The following DOCK11 variants were observed in gnomAD, a reference collection of about 807,000 sequenced individuals.
DOCK11 encodes the protein dedicator of cytokinesis protein 11.
DOCK11 carries 70 observed loss-of-function variants against 169.1 expected under a neutral mutation model. That is an observed-to-expected ratio of 0.41 (90% CI 0.34 to 0.51). The LOEUF (loss-of-function observed/expected upper bound fraction) is 0.51. DOCK11 is among the 20% of genes least tolerant of loss of function. The pLI is 0.10. For missense variants in DOCK11, 1,166 were observed against 1,538.8 expected, an observed-to-expected ratio of 0.76 and a Z score of 4.05; for synonymous variants, 529 against 541.3, an observed-to-expected ratio of 0.98 and a Z score of 0.32.
intron 45 of DOCK11, among the ~76,000 whole-genome samples, chrX:118,667,411 T>A (rs1369958298): frequency 1.3e-5 from 1 of 79,051 alleles, no homozygotes; most frequent in Non-Finnish European, 2.4e-5. Context: ...CAAAGCTCTT[T>A]TTTTAAGACA....
At chrX:118,599,995 T>G (rs1304687129) in intron 23 of DOCK11, among the ~76,000 whole-genome samples, 1 of 112,057 alleles carries the variant, frequency 8.9e-6, no homozygotes, top group African/African-American at 3.2e-5. Context: ...GTATCCCACA[T>G]GTCACTTACT....
At chrX:118,544,645 CTTTTTTTTTTTTTTT>C (rs1157804079) in intron 4 of DOCK11, among the ~76,000 whole-genome samples, 15 of 23,362 alleles carry the variant, frequency 6.4e-4, no homozygotes, top group South Asian at 3.5e-3. Context: ...TACACTGTTG[CTTTTTTTTTTTTTTT>C]TTTTTTTTTT....
rs1396553472 is a variant in DOCK11, at chrX:118,675,452, A to G, written c.5200-484A>G. Among the ~76,000 whole-genome samples, 4 of 111,231 alleles carry G rather than the reference A, an allele frequency of 3.6e-5. No individual in the cohort carries two copies. In the South Asian group the frequency reaches 1.1e-3, roughly 32 times the overall value. ...TGAGATGTGAATGAAATGAAGCATGATATTAAGAAATACATTGTCATTGAG... is the reference window on the plus strand; with the variant it reads ...TGAGATGTGAATGAAATGAAGCATGGTATTAAGAAATACATTGTCATTGAG... On this transcript the variant is annotated intron_variant, in intron 46 of 52. Transcript: ENST00000276202.
chrX:118,543,113 C>T, intron 3 of DOCK11, 98 bp downstream of exon 3: 1 of 616,112 alleles, frequency 1.6e-6, no homozygotes. Context: ...TTTATAAATA[C>T]ATAAATGTAA....
At chrX:118,533,104 G>A (rs2011640889) in intron 1 of DOCK11, among the ~76,000 whole-genome samples, 1 of 110,881 alleles carries the variant, frequency 9.0e-6, no homozygotes, top group Non-Finnish European at 1.9e-5. Flanking sequence ...CGATTCTCCC[G>A]CTTCAGCCTT....
chrX:118,603,867 T>C (rs2014414133), intron 23 of DOCK11, among the ~76,000 whole-genome samples: 1 of 112,143 alleles, frequency 8.9e-6, no homozygotes, highest in African/African-American at 3.2e-5. Context: ...ATATGATATA[T>C]TCAAGAACAG....
At chrX:118,651,397 G>A (rs960710620) in intron 41 of DOCK11, among the ~76,000 whole-genome samples, 8 of 111,506 alleles carry the variant, frequency 7.2e-5, no homozygotes, top group East Asian at 2.8e-4. Flanking sequence ...AACCAAGACC[G>A]TACCACTGCA....
At chrX:118,524,493 A>G (rs1196573305) in intron 1 of DOCK11, among the ~76,000 whole-genome samples, 2 of 111,958 alleles carry the variant, frequency 1.8e-5, no homozygotes, top group African/African-American at 3.2e-5. Context: ...TATATCTGAT[A>G]AGAGATTAAT....
intron 16 of DOCK11, among the ~76,000 whole-genome samples, chrX:118,586,376 C>T (rs2013814932): frequency 9.0e-6 from 1 of 111,067 alleles, no homozygotes; most frequent in Non-Finnish European, 1.9e-5. Flanking sequence ...GAAGCAGGCA[C>T]GTCTTTTGTG....
intron 1 of DOCK11, among the ~76,000 whole-genome samples, chrX:118,537,314 A>G (rs1231225959): frequency 9.0e-6 from 1 of 111,259 alleles, no homozygotes; most frequent in Non-Finnish European, 1.9e-5. Context: ...GCTTTCTGGT[A>G]TCCCTCCCAG....
rs1258462093 is a variant in DOCK11 at position 118,649,144 on chromosome X, G to A, written c.4581+17G>A. Reference sequence around the variant, plus strand: ...CATCTACAGGTCAGTGAAAATAAAAGCGCCTCTTCATCTTTCTTCTCTTCA... The same window carrying A: ...CATCTACAGGTCAGTGAAAATAAAAACGCCTCTTCATCTTTCTTCTCTTCA... On this transcript the variant is annotated intron_variant, in intron 41 of 52. Coordinates refer to ENST00000276202, the MANE Select transcript of DOCK11 (RefSeq NM_144658.4). 2.6e-6 allele frequency: 3 copies of A among 1,148,445 alleles called. No homozygotes were observed. The highest frequency in any genetic ancestry group is 6.1e-5 in the East Asian group (2 of 32,770). 94.6% of individuals were successfully genotyped at this position (1,148,445 alleles called of 1,213,427 possible). A position where few individuals can be genotyped will look rare whatever the true frequency, so the allele number is the denominator to read the frequency against.
chrX:118,658,847 G>A (rs1569443863), intron 44 of DOCK11, among the ~76,000 whole-genome samples: 2 of 111,621 alleles, frequency 1.8e-5, no homozygotes. Context: ...TTTCCCCAGG[G>A]AAGACAAGAG....
intron 1 of DOCK11, among the ~76,000 whole-genome samples, chrX:118,532,320 G>A (rs2011611322): frequency 9.0e-6 from 1 of 111,322 alleles, no homozygotes; most frequent in South Asian, 3.8e-4. Context: ...ATTAATAGGA[G>A]AGTATGCTGT....
chrX:118,624,913 C>T (rs1428412912), intron 32 of DOCK11, among the ~76,000 whole-genome samples: 1 of 109,068 alleles, frequency 9.2e-6, no homozygotes, highest in African/African-American at 3.3e-5. Flanking sequence ...CATACGCCAC[C>T]ATGCCCAGCT....
intron 11 of DOCK11, among the ~76,000 whole-genome samples, chrX:118,573,066 T>C (rs898772538): frequency 8.9e-6 from 1 of 112,635 alleles, no homozygotes; most frequent in African/African-American, 3.2e-5. Flanking sequence ...ACAGCTCTCA[T>C]GGATCATTTG....
chrX:118,607,481 G>A (rs1336149674), intron 24 of DOCK11, among the ~76,000 whole-genome samples: 1 of 93,397 alleles, frequency 1.1e-5, no homozygotes, highest in East Asian at 3.4e-4. Context: ...GAGTGCAGTG[G>A]CGTGATCTTG....
At chrX:118,626,629 AT>A (rs2015112485) in intron 32 of DOCK11, among the ~76,000 whole-genome samples, 1 of 111,089 alleles carries the variant, frequency 9.0e-6, no homozygotes, top group South Asian at 3.8e-4. Flanking sequence ...GCTACAGCCA[AT>A]TTGTCATGCC....
intron 44 of DOCK11, among the ~76,000 whole-genome samples, chrX:118,656,593 A>T (rs1020872835): frequency 1.8e-5 from 2 of 112,307 alleles, no homozygotes; most frequent in African/African-American, 6.5e-5. Context: ...AACTGACAAG[A>T]TATGAGAACC....
intron 1 of DOCK11, among the ~76,000 whole-genome samples, chrX:118,532,499 G>T (rs1221263359): frequency 1.8e-5 from 2 of 108,955 alleles, no homozygotes; most frequent in African/African-American, 6.7e-5. Flanking sequence ...AAGGTGTGCC[G>T]GCCGGGCGGG....
Sources: allele counts gnomAD v4.1 joint callset (sites outside exome capture counted in the v4.1 genomes callset), GRCh38; gene constraint gnomAD v4.1.1; transcripts MANE v1.5; gene names NCBI Gene and HGNC (gene_info 2026-07-23, HGNC 2026-07-21).